Variants in OOSP3 observed in about 807,000 individuals in gnomAD.
OOSP3 encodes the protein oocyte-secreted protein 3.
chr11:59,879,957 C>A (rs1853185300), intron 1 of OOSP3, among the ~76,000 whole-genome samples: 2 of 152,176 alleles, frequency 1.3e-5, no homozygotes, highest in Admixed American at 1.3e-4. Context: ...CTCCCCCAAT[C>A]CATGGGCAGC....
At chr11:59,884,247 G>A (rs1853228532) in intron 2 of OOSP3, among the ~76,000 whole-genome samples, 1 of 152,200 alleles carries the variant, frequency 6.6e-6, no homozygotes, top group South Asian at 2.1e-4. Flanking sequence ...AACTGCTGCA[G>A]CTGCTGCCAG....
intron 2 of OOSP3, among the ~76,000 whole-genome samples, chr11:59,893,377 C>G (rs1213298438): frequency 6.6e-6 from 1 of 151,544 alleles, no homozygotes; most frequent in Non-Finnish European, 1.5e-5. Context: ...TCTTTTTTGA[C>G]AGAGTCTTGT....
At chr11:59,881,029 C>T (rs1482510827) in intron 2 of OOSP3, among the ~76,000 whole-genome samples, 2 of 152,100 alleles carry the variant, frequency 1.3e-5, no homozygotes, top group African/African-American at 2.4e-5. Context: ...CATTCTTTCT[C>T]ATATGCTCCT....
chr11:59,887,907 C>T (rs751523190), intron 2 of OOSP3, among the ~76,000 whole-genome samples: 3 of 152,062 alleles, frequency 2.0e-5, no homozygotes, highest in Non-Finnish European at 4.4e-5. Context: ...GGCATTTTTA[C>T]GATATTGATT....
At chr11:59,881,517 C>T (rs1206524087) in intron 2 of OOSP3, among the ~76,000 whole-genome samples, 3 of 152,050 alleles carry the variant, frequency 2.0e-5, no homozygotes, top group Non-Finnish European at 4.4e-5. Flanking sequence ...AGGAGGAGAG[C>T]GAGAGTTTTC....
At chr11:59,884,870 T>C (rs1590873131) in intron 2 of OOSP3, among the ~76,000 whole-genome samples, 2 of 152,288 alleles carry the variant, frequency 1.3e-5, no homozygotes, top group East Asian at 3.9e-4. Context: ...TTGTTTTATC[T>C]TCTTGCCTAA....
At chr11:59,888,114 G>A (rs1292051168) in intron 2 of OOSP3, among the ~76,000 whole-genome samples, 1 of 152,046 alleles carries the variant, frequency 6.6e-6, no homozygotes, top group Admixed American at 6.5e-5. Flanking sequence ...TCTGTTGTTG[G>A]TGTATAGGAA....
chr11:59,893,252 C>A (rs893013076), intron 2 of OOSP3, among the ~76,000 whole-genome samples: 1 of 152,116 alleles, frequency 6.6e-6, no homozygotes, highest in Admixed American at 6.5e-5. Context: ...AATAGTAATT[C>A]AATAAGACAT....
intron 2 of OOSP3, among the ~76,000 whole-genome samples, chr11:59,890,771 T>C (rs992715245): frequency 6.6e-6 from 1 of 152,200 alleles, no homozygotes; most frequent in African/African-American, 2.4e-5. Flanking sequence ...GTTGATCTTC[T>C]CATGGAGTAT....
chr11:59,883,062 T>G (rs1173212102), intron 2 of OOSP3, among the ~76,000 whole-genome samples: 1 of 152,208 alleles, frequency 6.6e-6, no homozygotes, highest in Admixed American at 6.5e-5. Context: ...GTTGGGTAAA[T>G]ACCTAGGACT....
chr11:59,892,239 C>A (rs1325608813), intron 2 of OOSP3, among the ~76,000 whole-genome samples: 2 of 151,728 alleles, frequency 1.3e-5, no homozygotes, highest in Non-Finnish European at 2.9e-5. Flanking sequence ...ATGGGTAGCA[C>A]AATCTCTCAC....
Position 59,884,649 on chromosome 11 carries a change from T to A in OOSP3, c.252+4210T>A, listed in dbSNP as rs562027008. Among the ~76,000 whole-genome samples, 428 of 152,132 alleles carry A rather than the reference T, an allele frequency of 2.8e-3. 4 individuals are homozygous for A. Among genetic ancestry groups the A allele is most frequent in the South Asian group, 0.014 (66 of 4,824 alleles). ...CCAAGTAGCTGGGACTACAGGTGTG[T>A]GCCACCGTGTCCAGCTATTTATTTT... is the stretch of plus-strand genomic sequence containing the variant. On this transcript the variant is annotated intron_variant, in intron 2 of 4. Transcript: ENST00000646438.
chr11:59,879,675 G>C (rs1853182575), intron 1 of OOSP3, among the ~76,000 whole-genome samples: 1 of 152,198 alleles, frequency 6.6e-6, no homozygotes, highest in Non-Finnish European at 1.5e-5. Context: ...TGAGTTGACA[G>C]ACTTACCACA....
At chr11:59,884,507 C>CTG (rs1853234908) in intron 2 of OOSP3, among the ~76,000 whole-genome samples, 2 of 147,242 alleles carry the variant, frequency 1.4e-5, no homozygotes, top group South Asian at 4.3e-4. Flanking sequence ...CTCTCTCTCT[C>CTG]TCTCTCTCTC....
At chr11:59,883,683 T>C (rs1038315489) in intron 2 of OOSP3, among the ~76,000 whole-genome samples, 1 of 152,182 alleles carries the variant, frequency 6.6e-6, no homozygotes, top group Non-Finnish European at 1.5e-5. Context: ...AGAAGAGTGG[T>C]TAAATGATGG....
Position 59,891,916 on chromosome 11 carries a change from C to T in OOSP3, c.253-2163C>T, listed in dbSNP as rs1853316003. ...CTGCTGTGCTGGCCAGTGGGGAATCCAAGCCAGTAGGTCATAGCTTGCAGG... is the reference window on the plus strand; with the variant it reads ...CTGCTGTGCTGGCCAGTGGGGAATCTAAGCCAGTAGGTCATAGCTTGCAGG... On this transcript the variant is annotated intron_variant, in intron 2 of 4. Transcript: ENST00000646438. Among the ~76,000 whole-genome samples the T allele has an allele frequency of 1.3e-5, 2 of 152,176 alleles. 1 individual carries two copies. Among genetic ancestry groups the T allele is most frequent in the South Asian group, 4.1e-4 (2 of 4,828 alleles).
At position 59,895,522 on chromosome 11, in the gene OOSP3, C is replaced by G. The variant is rs1590876163; in HGVS notation, c.371C>G (p.Ser124Ter). 1 of 398,402 alleles carries G rather than the reference C, an allele frequency of 2.5e-6. No homozygotes were observed. The highest frequency in any genetic ancestry group is 4.4e-6 in the Non-Finnish European group (1 of 225,916). 24.7% of individuals were successfully genotyped at this position (398,402 alleles called of 1,614,324 possible). ...TTCAGCTCATCTTTGGATACCACTT[C>G]AAGCACTATCCATAACAATCTTACA... Residue 124 changes from serine to a stop codon, truncating the protein, a stop_gained, in exon 4 of 5, where the codon TCA becomes TGA. Coordinates refer to ENST00000646438, the Ensembl canonical transcript of OOSP3. LOFTEE classifies it high-confidence loss of function.
intron 2 of OOSP3, among the ~76,000 whole-genome samples, chr11:59,887,844 A>G (rs530236727): frequency 3.3e-5 from 5 of 152,196 alleles, no homozygotes; most frequent in South Asian, 2.1e-4. Context: ...AAGAATGTCA[A>G]TGGTAGTTTA....
intron 2 of OOSP3, among the ~76,000 whole-genome samples, chr11:59,880,872 G>GA (rs1247990011): frequency 6.6e-6 from 1 of 152,114 alleles, no homozygotes; most frequent in Non-Finnish European, 1.5e-5. Flanking sequence ...AGCAGGCGAT[G>GA]AAAAAATGGA....
Sources: gnomAD v4.1 joint callset for allele counts (sites outside exome capture counted in the v4.1 genomes callset) on GRCh38, gnomAD v4.1.1 for gene constraint, MANE v1.5 for transcripts, NCBI Gene and HGNC (gene_info 2026-07-23, HGNC 2026-07-21) for gene names.